PARVG: variants seen among roughly 807,000 people sequenced by gnomAD.
PARVG encodes gamma-parvin.
A neutral mutation model predicts 44.4 loss-of-function variants in PARVG; 36 were observed. That is an observed-to-expected ratio of 0.81 (90% CI 0.62 to 1.07). The LOEUF is 1.07. Among genes scored for constraint, PARVG ranks in the 50% least tolerant of loss-of-function variants. PARVG has a pLI of 0.00. For synonymous variants in PARVG, 170 were observed against 174.1 expected (o/e 0.98, Z 0.19); for missense variants, 407 against 407.4 (o/e 1.00, Z 0.01).
At chr22:44,183,571 C>G (rs2054418429) in intron 3 of PARVG, 163 bp downstream of exon 3, 1 of 585,506 alleles carries the variant, frequency 1.7e-6, no homozygotes, top group African/African-American at 1.9e-5. Context: ...CTAACTCCTC[C>G]TCCTGGGACC....
chr22:44,188,755 A>G (rs1281449357), intron 5 of PARVG: 2 of 263,902 alleles, frequency 7.6e-6, no homozygotes, highest in East Asian at 7.5e-5. Context: ...TTTAACCACT[A>G]GGCCACACTG....
chr22:44,199,745 C>G lies in PARVG; in HGVS notation c.813+1023C>G, dbSNP rs1005813711. On this transcript the variant is annotated intron_variant, in intron 12 of 13. Transcript: ENST00000444313. ...ATCAGGGATTGGTTTGCAGAGTTAT[C>G]AAGGAAGGGCTTGCAGAGGGGAGGG... is the stretch of plus-strand genomic sequence containing the variant. Among the ~76,000 whole-genome samples the G allele has an allele frequency of 7.9e-5, 12 of 152,068 alleles. 1 individual carries two copies. The highest frequency in any genetic ancestry group is 4.1e-4 in the South Asian group (2 of 4,820).
intron 7 of PARVG, among the ~76,000 whole-genome samples, chr22:44,191,598 C>T (rs376306569): frequency 1.3e-5 from 2 of 151,974 alleles, no homozygotes; most frequent in East Asian, 1.9e-4. Flanking sequence ...GGGGTTTCAC[C>T]GTGTTGCCCA....
At position 44,186,489 on chromosome 22, in the gene PARVG, C is replaced by T. The variant is rs569092858; in HGVS notation, c.144+617C>T. 3 of 460,812 alleles carry T rather than the reference C, an allele frequency of 6.5e-6. No homozygotes were observed. The Admixed American group carries it at 7.1e-5, about 11-fold the overall frequency. 28.5% of individuals were successfully genotyped at this position (460,812 alleles called of 1,614,324 possible). A position where few individuals can be genotyped will look rare whatever the true frequency, so the allele number is the denominator to read the frequency against. ...AGGGAGGCCTCCTGGCCTACACCAT[C>T]TTCCATACCCAGAGGCTTTGTGGGC... On this transcript the variant is annotated intron_variant, in intron 4 of 13. Transcript: ENST00000444313.
chr22:44,186,235 G>A (rs1046308921), intron 4 of PARVG: 7 of 305,496 alleles, frequency 2.3e-5, no homozygotes, highest in African/African-American at 6.5e-5. Flanking sequence ...GGTTTGACAC[G>A]AGCTGCCAGC....
At chr22:44,204,346 C>T (rs1174548528) in intron 12 of PARVG, among the ~76,000 whole-genome samples, 13 of 152,324 alleles carry the variant, frequency 8.5e-5, no homozygotes, top group East Asian at 3.9e-4. Flanking sequence ...ATTCTGTGTC[C>T]GTCATCACAT....
chr22:44,183,284 G>A, intron 2 of PARVG, 34 bp from the exon 3 acceptor site: 1 of 1,567,616 alleles, frequency 6.4e-7, no homozygotes, highest in South Asian at 1.2e-5. Flanking sequence ...GGGCTTCTCA[G>A]ACCGTGACGC....
chr22:44,183,128 A>G (rs367692868), intron 2 of PARVG, 190 bp from the exon 3 acceptor site: 4 of 531,924 alleles, frequency 7.5e-6, no homozygotes, highest in African/African-American at 6.0e-5. Context: ...CTAACCCGTC[A>G]CCCCGCAAGG....
Position 44,175,399 on chromosome 22 carries a change from T to A in PARVG, c.-189+2208T>A, listed in dbSNP as rs60200722. 2.6e-5 allele frequency among the ~76,000 whole-genome samples: 4 copies of A among 152,364 alleles called. No individual in the cohort carries two copies. In the East Asian group the frequency reaches 5.8e-4, roughly 22 times the overall value. ...CTTCTGAGGTCACCTCTGTTCATCC[T>A]TACCCAGGCAGGAATCCCCGGCCAC... On this transcript the variant is annotated intron_variant, in intron 1 of 13. Coordinates refer to the PARVG transcript ENST00000422871.
At chr22:44,178,007 G>C (rs564085473), upstream of PARVG, among the ~76,000 whole-genome samples, 1 of 152,178 alleles carries the variant, frequency 6.6e-6, no homozygotes, top group Non-Finnish European at 1.5e-5. Context: ...ATAACTAGAA[G>C]CCTCCACAAA....
intron 2 of PARVG, 117 bp from the exon 3 acceptor site, chr22:44,183,201 G>A (rs1488958107): frequency 2.2e-6 from 2 of 901,822 alleles, no homozygotes; most frequent in East Asian, 3.0e-5. Flanking sequence ...ATGCTGACGT[G>A]TCCCCAGAAC....
rs374679765 is a variant in PARVG, at chr22:44,196,431, C to T, written c.711+16C>T. On this transcript the variant is annotated intron_variant, in intron 11 of 13. Coordinates refer to ENST00000444313, the MANE Select transcript of PARVG (RefSeq NM_022141.7). ...GGACACCCAGGTAGGGACTGAGCTG[C>T]GGCGTCCCCAGGCAGGGCAGGGCCA... is the stretch of plus-strand genomic sequence containing the variant. 158 of 1,613,890 alleles carry T rather than the reference C, an allele frequency of 9.8e-5. No homozygotes were observed. In the African/African-American group the frequency reaches 1.1e-3, roughly 11 times the overall value.
At chr22:44,183,564 ACTC>A (rs1487281299) in intron 3 of PARVG, 156 bp downstream of exon 3, 3 of 618,080 alleles carry the variant, frequency 4.9e-6, no homozygotes, top group African/African-American at 1.9e-5. Flanking sequence ...GCTTGACCTA[ACTC>A]CTCCTCCTGG....
At chr22:44,194,283 A>G (rs929902296) in intron 9 of PARVG, among the ~76,000 whole-genome samples, 4 of 152,208 alleles carry the variant, frequency 2.6e-5, no homozygotes, top group Admixed American at 2.0e-4. Context: ...CTCAATAGTG[A>G]GTGGGCAATA....
intron 13 of PARVG, 91 bp downstream of exon 13, chr22:44,205,920 T>C: frequency 7.0e-7 from 1 of 1,431,190 alleles, no homozygotes; most frequent in Non-Finnish European, 9.6e-7. Context: ...CATTGGGGGA[T>C]GAGCACGCAT....
At chr22:44,198,296 T>C (rs551312933) in intron 11 of PARVG, among the ~76,000 whole-genome samples, 1 of 152,240 alleles carries the variant, frequency 6.6e-6, no homozygotes, top group African/African-American at 2.4e-5. Context: ...CTTTCTCTGA[T>C]GGAATAATTT....
chr22:44,206,422 A>G lies in PARVG; in HGVS notation c.992A>G (p.Asn331Ser). The G allele has an allele frequency of 6.2e-7, 1 of 1,613,882 alleles. No individual in the cohort carries two copies. Among genetic ancestry groups the G allele is most frequent in the Non-Finnish European group, 8.5e-7 (1 of 1,179,908 alleles). Residue 331 changes from asparagine (N) to serine (S), a missense_variant, in exon 14 of 14, where the codon AAT becomes AGT. Transcript: ENST00000444313. ...HRDRTPHGAP[N>S] ...GACAGGACGCCCCATGGAGCCCCGA[A>G]TTGACCCTCACTGCCTCCAAAGCCC...
chr22:44,190,717 C>A (rs368096014), intron 7 of PARVG, 51 bp downstream of exon 7: 1 of 1,478,702 alleles, frequency 6.8e-7, no homozygotes, highest in Non-Finnish European at 9.5e-7. Flanking sequence ...GCCTCTTGGG[C>A]CCCCATTGCC....
Position 44,206,369 on chromosome 22 carries a change from C to A in PARVG, c.939C>A (p.Phe313Leu). Residue 313 changes from phenylalanine to leucine, a missense_variant, in exon 14 of 14, where the codon TTC becomes TTA. Coordinates refer to ENST00000444313, the MANE Select transcript of PARVG (RefSeq NM_022141.7). ...CACTGAGGGTGCTCTATGGTCTGTT[C>A]TGCAAGCACACGCAGAAGGCACACA... ...KSTLRVLYGLFCKHTQKAHRD... is the reference protein window; with the variant it reads ...KSTLRVLYGLLCKHTQKAHRD... 6.2e-7 allele frequency: 1 copy of A among 1,614,052 alleles called. No individual in the cohort carries two copies. Among genetic ancestry groups the A allele is most frequent in the African/African-American group, 1.3e-5 (1 of 75,020 alleles).
Sources: allele counts gnomAD v4.1 joint callset (sites outside exome capture counted in the v4.1 genomes callset), GRCh38; gene constraint gnomAD v4.1.1; transcripts MANE v1.5; gene names NCBI Gene and HGNC (gene_info 2026-07-23, HGNC 2026-07-21).